PCDH17: variants seen among roughly 807,000 people sequenced by gnomAD.
PCDH17 encodes the protein protocadherin-17.
PCDH17 carries 21 observed loss-of-function variants against 67.7 expected under a neutral mutation model. The observed-to-expected ratio is 0.31, with a 90% CI of 0.22 to 0.45. The LOEUF (loss-of-function observed/expected upper bound fraction) is 0.45. Among genes scored for constraint, PCDH17 ranks in the 20% least tolerant of loss-of-function variants. The probability of loss-of-function intolerance (pLI) is 1.00; values close to 1 mark genes in which losing one functional copy is unlikely to be tolerated. For synonymous variants in PCDH17, 701 were observed against 656.7 expected (o/e 1.07, Z -1.03); for missense variants, 1,471 against 1,564.8 (o/e 0.94, Z 1.01).
chr13:57,696,077 A>C (rs571364070), intron 3 of PCDH17, among the ~76,000 whole-genome samples: 1 of 151,368 alleles, frequency 6.6e-6, no homozygotes, highest in African/African-American at 2.4e-5. Context: ...ATGGGAAAAC[A>C]GTGTGTGAAC....
chr13:57,721,951 C>T (rs910104860), intron 3 of PCDH17, among the ~76,000 whole-genome samples: 1 of 152,108 alleles, frequency 6.6e-6, no homozygotes, highest in Non-Finnish European at 1.5e-5. Context: ...AGTTAGAGTT[C>T]ATTTTGTGCT....
intron 1 of PCDH17, among the ~76,000 whole-genome samples, chr13:57,658,573 A>G (rs899502618): frequency 2.0e-5 from 3 of 152,058 alleles, no homozygotes; most frequent in Admixed American, 6.6e-5. Flanking sequence ...TCCTGATTGA[A>G]TCTTGGATAT....
intron 1 of PCDH17, among the ~76,000 whole-genome samples, chr13:57,654,348 G>A (rs1015999324): frequency 3.3e-5 from 5 of 151,994 alleles, no homozygotes; most frequent in African/African-American, 1.2e-4. Context: ...AACAGATAAT[G>A]GGCCATGAGA....
chr13:57,675,692 T>A (rs1955384428), intron 3 of PCDH17, among the ~76,000 whole-genome samples: 1 of 151,844 alleles, frequency 6.6e-6, no homozygotes, highest in Non-Finnish European at 1.5e-5. Flanking sequence ...GAGGTGCAGA[T>A]GAGTAGCGAT....
chr13:57,696,345 TA>T (rs1488678355), intron 3 of PCDH17, among the ~76,000 whole-genome samples: 1 of 151,402 alleles, frequency 6.6e-6, no homozygotes, highest in African/African-American at 2.4e-5. Context: ...TCTTATTTTA[TA>T]AATGTTCAAA....
Position 57,632,552 on chromosome 13 carries a change from C to T in PCDH17, c.6C>T (p.Tyr2=), listed in dbSNP as rs147305316. The change falls in exon 1 of 4, where the codon TAC becomes TAT. Residue 2 remains tyrosine, a synonymous_variant. Transcript: ENST00000377918. ...CCCCACCTTACAGGTCTGGGATGTA[C>T]CTTTCCATCTGTTGCTGCTTTCTTC... The part of the protein sequence containing the change: M[Y]LSICCCFLLW... 1.8e-4 allele frequency: 292 copies of T among 1,613,246 alleles called. 3 individuals are homozygous for T. The highest frequency in any genetic ancestry group is 3.2e-4 in the South Asian group (29 of 91,018).
chr13:57,669,479 A>G (rs892002552), intron 3 of PCDH17, among the ~76,000 whole-genome samples: 1 of 148,452 alleles, frequency 6.7e-6, no homozygotes, highest in African/African-American at 2.6e-5. Flanking sequence ...ATATCTCTTT[A>G]TCTATCTTTT....
chr13:57,643,682 G>A (rs1050821901), intron 1 of PCDH17, among the ~76,000 whole-genome samples: 24 of 151,522 alleles, frequency 1.6e-4, no homozygotes, highest in Admixed American at 8.6e-4. Context: ...TCACTAGTCC[G>A]TCTTTATTAT....
intron 3 of PCDH17, among the ~76,000 whole-genome samples, chr13:57,669,789 C>T (rs1181645242): frequency 1.3e-5 from 2 of 152,050 alleles, no homozygotes; most frequent in African/African-American, 4.8e-5. Context: ...ACAACCTTGT[C>T]TCCAAATGAG....
chr13:57,691,807 A>T (rs1163140565), intron 3 of PCDH17, among the ~76,000 whole-genome samples: 1 of 151,200 alleles, frequency 6.6e-6, no homozygotes, highest in Non-Finnish European at 1.5e-5. Context: ...GTTAGTATGA[A>T]TGTAGAGTTT....
rs67207232 is a variant in PCDH17 at position 57,651,356 on chromosome 13, G to GTT, written c.2566-15090_2566-15089dup. On this transcript the variant is annotated intron_variant, in intron 1 of 3. Coordinates refer to ENST00000377918, the MANE Select transcript of PCDH17 (RefSeq NM_001040429.3). ...CTGATAGATAGGTGGTTTAATTGAG[G>GTT]TTTTTTTTTTTTTTTTTTTTTTTGA... Among the ~76,000 whole-genome samples the GTT allele has an allele frequency of 4.3e-3, 365 of 83,962 alleles. 2 individuals carry two copies. Among genetic ancestry groups the GTT allele is most frequent in the Non-Finnish European group, 5.5e-3 (243 of 44,368 alleles). 55.1% of individuals were successfully genotyped at this position (83,962 alleles called of 152,430 possible).
intron 3 of PCDH17, among the ~76,000 whole-genome samples, chr13:57,689,777 A>G (rs2138059850): frequency 6.6e-6 from 1 of 151,910 alleles, no homozygotes; most frequent in African/African-American, 2.4e-5. Context: ...GTCATGTTCA[A>G]CTCCGTATTC....
At chr13:57,641,570 AAAAAAAAAAAAAAAAAAATAT>A (rs1418564695) in intron 1 of PCDH17, among the ~76,000 whole-genome samples, 4 of 25,190 alleles carry the variant, frequency 1.6e-4, no homozygotes, top group South Asian at 1.7e-3. Context: ...AAAAAAAAAA[AAAAAAAAAAAAAAAAAAATAT>A]ATATATATAT....
intron 1 of PCDH17, among the ~76,000 whole-genome samples, chr13:57,665,421 A>C (rs1395953574): frequency 6.6e-6 from 1 of 152,200 alleles, no homozygotes; most frequent in Non-Finnish European, 1.5e-5. Flanking sequence ...CTTATTAATA[A>C]GGAAAGCACA....
At chr13:57,698,369 C>T (rs1955631096) in intron 3 of PCDH17, among the ~76,000 whole-genome samples, 1 of 151,594 alleles carries the variant, frequency 6.6e-6, no homozygotes, top group South Asian at 2.1e-4. Context: ...TACCTGTTGG[C>T]CTTATAGGAA....
intron 3 of PCDH17, among the ~76,000 whole-genome samples, chr13:57,696,620 T>C (rs1456547982): frequency 6.6e-6 from 1 of 151,482 alleles, no homozygotes. Context: ...AAATATACCA[T>C]ATTTTAAAAT....
intron 3 of PCDH17, among the ~76,000 whole-genome samples, chr13:57,719,357 T>TG (rs1473681941): frequency 6.6e-6 from 1 of 152,162 alleles, no homozygotes; most frequent in East Asian, 1.9e-4. Context: ...CCTTTTCCCC[T>TG]GGCCACAACA....
At chr13:57,656,071 C>G (rs947148237) in intron 1 of PCDH17, among the ~76,000 whole-genome samples, 1 of 150,738 alleles carries the variant, frequency 6.6e-6, no homozygotes, top group Non-Finnish European at 1.5e-5. Flanking sequence ...GCTACAGTTT[C>G]TTTGTTTGAA....
chr13:57,652,808 G>A (rs2592866), intron 1 of PCDH17, among the ~76,000 whole-genome samples: 36,276 of 151,918 alleles, frequency 0.24, 5,864 homozygotes, highest in African/African-American at 0.47. Context: ...TTATACCACC[G>A]GGATCTCATG....
Sources: allele counts gnomAD v4.1 joint callset (sites outside exome capture counted in the v4.1 genomes callset), GRCh38; gene constraint gnomAD v4.1.1; transcripts MANE v1.5; gene names NCBI Gene and HGNC (gene_info 2026-07-23, HGNC 2026-07-21).